Variants in XPNPEP1 observed in about 807,000 individuals in gnomAD.
The protein encoded by XPNPEP1 is xaa-Pro aminopeptidase 1.
A neutral mutation model predicts 92.4 loss-of-function variants in XPNPEP1; 39 were observed. The observed-to-expected ratio is 0.42, with a 90% CI of 0.33 to 0.55. The LOEUF (loss-of-function observed/expected upper bound fraction) is 0.55, where lower values mean the gene tolerates loss of function less well. Ranked by LOEUF, XPNPEP1 falls within the 20% of genes least tolerant of loss-of-function variation. The pLI is 0.08. For synonymous variants in XPNPEP1, 307 were observed against 299.4 expected (o/e 1.03, Z -0.26); for missense variants, 654 against 856.1 (o/e 0.76, Z 2.95).
intron 9 of XPNPEP1, chr10:109,883,830 G>A: frequency 2.3e-6 from 1 of 431,132 alleles, no homozygotes. Context: ...CAAATGGGTG[G>A]CCCGAACTAT....
chr10:109,920,602 T>A (rs1221024753), intron 1 of XPNPEP1, among the ~76,000 whole-genome samples: 1 of 152,174 alleles, frequency 6.6e-6, no homozygotes, highest in African/African-American at 2.4e-5. Context: ...AGTGGCACAA[T>A]CTTAGCTTAT....
At chr10:109,906,153 G>A (rs1000505088) in intron 3 of XPNPEP1, among the ~76,000 whole-genome samples, 2 of 152,056 alleles carry the variant, frequency 1.3e-5, no homozygotes, top group Admixed American at 1.3e-4. Context: ...GTGGACTGGT[G>A]GACCCCCATT....
intron 19 of XPNPEP1, 100 bp downstream of exon 19, chr10:109,869,853 T>C: frequency 8.0e-7 from 1 of 1,248,774 alleles, no homozygotes; most frequent in Non-Finnish European, 1.1e-6. Context: ...ACAGGAAAAT[T>C]TTTAAGCTTT....
chr10:109,907,798 T>C lies in XPNPEP1; in HGVS notation c.139A>G (p.Lys47Glu). Residue 47 changes from lysine to glutamate, a missense_variant, in exon 3 of 21, where the codon AAG (lysine) becomes GAG (glutamate). By Grantham distance (56) the Lys-to-Glu change is moderately conservative. Transcript: ENST00000502935. ...TGCCGAAGCAGCTCTGAAGTCACCT[T>C]TGGAGGCATTCTGCCGTCTGCAACA... ...GVETDGRMPP[K>E]VTSELLRQLR... The C allele has an allele frequency of 6.2e-7, 1 of 1,614,224 alleles. No individual in the cohort carries two copies. The highest frequency in any genetic ancestry group is 8.5e-7 in the Non-Finnish European group (1 of 1,180,032).
chr10:109,906,472 C>T (rs1358197735), intron 3 of XPNPEP1, among the ~76,000 whole-genome samples: 2 of 152,176 alleles, frequency 1.3e-5, no homozygotes, highest in Admixed American at 1.3e-4. Context: ...CTGCTACATT[C>T]CTGCCCTCAT....
intron 12 of XPNPEP1, 88 bp downstream of exon 12, chr10:109,880,100 A>C: frequency 7.7e-7 from 1 of 1,305,644 alleles, no homozygotes; most frequent in Non-Finnish European, 1.1e-6. Context: ...CATGGTCAGC[A>C]GAGCATGGGA....
At chr10:109,866,188 C>T (rs774872990) in intron 20 of XPNPEP1, among the ~76,000 whole-genome samples, 62 of 152,238 alleles carry the variant, frequency 4.1e-4, no homozygotes, top group African/African-American at 1.3e-3. Flanking sequence ...TGGAGGGCAG[C>T]GATGTTACAG....
intron 19 of XPNPEP1, 62 bp from the exon 20 acceptor site, chr10:109,868,774 G>T (rs761512868): frequency 2.0e-6 from 3 of 1,485,872 alleles, no homozygotes; most frequent in East Asian, 4.5e-5. Context: ...AGCACCATGA[G>T]GTCATTCCAC....
At chr10:109,898,770 C>T (rs1382266527) in intron 3 of XPNPEP1, among the ~76,000 whole-genome samples, 1 of 152,216 alleles carries the variant, frequency 6.6e-6, no homozygotes, top group Admixed American at 6.5e-5. Flanking sequence ...TAGAGAGACA[C>T]TAAAAGTTGA....
intron 2 of XPNPEP1, among the ~76,000 whole-genome samples, chr10:109,913,028 C>T (rs17126877): frequency 0.15 from 22,431 of 152,252 alleles, 2,076 homozygotes; most frequent in East Asian, 0.41. Context: ...CAGCCAAGAG[C>T]TAAGCAAAGT....
rs187863381 is a variant in XPNPEP1, at chr10:109,887,449, T to C, written c.652+600A>G. On this transcript the variant is annotated intron_variant, in intron 7 of 20. Coordinates refer to ENST00000502935, the MANE Select transcript of XPNPEP1 (RefSeq NM_020383.4). ...ACCCCTCTGGGCAATCTGCCTACAT[T>C]CCACAGCCATCCCCCATCTACCTCT... 1.1e-3 allele frequency among the ~76,000 whole-genome samples: 171 copies of C among 152,142 alleles called. 4 individuals carry two copies. Among genetic ancestry groups the C allele is most frequent in the Non-Finnish European group, 1.8e-4 (12 of 67,998 alleles).
chr10:109,879,673 AT>A (rs1227118264), intron 12 of XPNPEP1, among the ~76,000 whole-genome samples: 1 of 152,162 alleles, frequency 6.6e-6, no homozygotes, highest in East Asian at 1.9e-4. Flanking sequence ...TAAAGACAAT[AT>A]TTTCTTTTCC....
Position 109,886,679 on chromosome 10 carries a change from G to C in XPNPEP1, c.653-338C>G, listed in dbSNP as rs1020528760. Among the ~76,000 whole-genome samples the C allele has an allele frequency of 7.1e-5, 10 of 140,598 alleles. No homozygotes were observed. The East Asian group carries it at 9.7e-4, about 14-fold the overall frequency. The allele number at this position is 140,598 out of a possible 152,430, so 92.2% of individuals were successfully genotyped here. The stretch of plus-strand genomic sequence containing the variant: ...CCAGACCCAGTCCCTGTCTTCATGG[G>C]GCTTACAATATAGAAGGGAAGACAG... On this transcript the variant is annotated intron_variant, in intron 7 of 20. Transcript: ENST00000502935.
intron 2 of XPNPEP1, among the ~76,000 whole-genome samples, chr10:109,909,402 A>G (rs1021388604): frequency 6.6e-6 from 1 of 152,230 alleles, no homozygotes; most frequent in Non-Finnish European, 1.5e-5. Flanking sequence ...GAAAATACAA[A>G]ATAGGAATAG....
chr10:109,874,716 G>T (rs1020975531), intron 15 of XPNPEP1, among the ~76,000 whole-genome samples: 1 of 152,206 alleles, frequency 6.6e-6, no homozygotes, highest in African/African-American at 2.4e-5. Context: ...TTGGGAGGCC[G>T]AGACCGGCGG....
intron 17 of XPNPEP1, among the ~76,000 whole-genome samples, chr10:109,871,389 TG>T (rs1424068357): frequency 6.6e-6 from 1 of 152,074 alleles, no homozygotes; most frequent in African/African-American, 2.4e-5. Flanking sequence ...AGTACATAGC[TG>T]AAGTCAGGGT....
intron 2 of XPNPEP1, 84 bp downstream of exon 2, chr10:109,914,927 C>A (rs984157320): frequency 1.3e-6 from 1 of 792,940 alleles, no homozygotes; most frequent in African/African-American, 1.7e-5. Context: ...TCCTTACCCT[C>A]TTCTTCTCAC....
At chr10:109,898,918 A>G (rs973919536) in intron 3 of XPNPEP1, among the ~76,000 whole-genome samples, 1 of 152,192 alleles carries the variant, frequency 6.6e-6, no homozygotes, top group African/African-American at 2.4e-5. Context: ...TAGAGTCCAC[A>G]TTAGCGTGAC....
At chr10:109,877,589 TAAG>T (rs1310569159) in intron 14 of XPNPEP1, 198 bp downstream of exon 14, 6 of 646,654 alleles carry the variant, frequency 9.3e-6, no homozygotes, top group African/African-American at 1.8e-5. Flanking sequence ...ATACTGAGCC[TAAG>T]AAGAGGCTCC....
Sources: gnomAD v4.1 joint callset for allele counts (sites outside exome capture counted in the v4.1 genomes callset) on GRCh38, gnomAD v4.1.1 for gene constraint, MANE v1.5 for transcripts, NCBI Gene and HGNC (gene_info 2026-07-23, HGNC 2026-07-21) for gene names.